PHC1: variants seen among roughly 807,000 people sequenced by gnomAD.
PHC1 encodes the protein polyhomeotic-like protein 1.
A neutral mutation model predicts 104.3 loss-of-function variants in PHC1; 12 were observed. The observed-to-expected ratio is 0.12, with a 90% confidence interval of 0.07 to 0.19. The LOEUF (loss-of-function observed/expected upper bound fraction) is 0.19, where lower values mean the gene tolerates loss of function less well. Among genes scored for constraint, PHC1 ranks in the 10% least tolerant of loss-of-function variants. The probability of loss-of-function intolerance (pLI) is 1.00; values close to 1 mark genes in which losing one functional copy is unlikely to be tolerated. For synonymous variants in PHC1, 302 were observed against 455.8 expected (o/e 0.66, Z 4.30); for missense variants, 671 against 1,200.0 (o/e 0.56, Z 6.51).
intron 7 of PHC1, among the ~76,000 whole-genome samples, chr12:8,931,401 A>C (rs1320641274): frequency 1.3e-5 from 2 of 152,212 alleles, no homozygotes; most frequent in East Asian, 3.8e-4. Flanking sequence ...GCCTTAGAGC[A>C]CTTAAGACTA....
chr12:8,928,142 A>C (rs1592200282), intron 6 of PHC1, among the ~76,000 whole-genome samples: 1 of 152,000 alleles, frequency 6.6e-6, no homozygotes, highest in African/African-American at 2.4e-5. Flanking sequence ...TCCTGAGCTC[A>C]GGCAGTCTGC....
At position 8,937,218 on chromosome 12, in the gene PHC1, A is replaced by G; in HGVS notation, c.2520A>G (p.Lys840=). The change falls in exon 13 of 15, where the codon AAA becomes AAG. Residue 840 remains lysine (K), a synonymous_variant. Transcript: ENST00000544916. ...SCSHQFRLKR[K]KMKEFQEANY... Reference sequence around the variant, plus strand: ...GCCATCAGTTCCGGCTGAAGAGGAAAAAAATGAAAGAGTTTCAAGAAGCCA... The same window carrying G: ...GCCATCAGTTCCGGCTGAAGAGGAAGAAAATGAAAGAGTTTCAAGAAGCCA... 8.1e-6 allele frequency: 13 copies of G among 1,613,702 alleles called. No individual in the cohort carries two copies. Among genetic ancestry groups the G allele is most frequent in the Non-Finnish European group, 1.1e-5 (13 of 1,179,800 alleles).
intron 6 of PHC1, among the ~76,000 whole-genome samples, chr12:8,927,800 T>C (rs1261537540): frequency 6.6e-6 from 1 of 152,238 alleles, no homozygotes; most frequent in African/African-American, 2.4e-5. Context: ...ATCAACTCTT[T>C]ACTGCTCCTG....
intron 10 of PHC1, among the ~76,000 whole-genome samples, chr12:8,934,814 G>A (rs1945788432): frequency 1.3e-5 from 2 of 152,118 alleles, no homozygotes; most frequent in African/African-American, 2.4e-5. Context: ...GAGGTGTCTT[G>A]ACTCCTAGTG....
chr12:8,930,579 G>T lies in PHC1; in HGVS notation c.757G>T (p.Ala253Ser), dbSNP rs748099272. ...ASSQALAVAQ[A>S]SSGATNQSLN... is the part of the protein sequence containing the mutation. ...TAGCCAGGCCCTAGCGGTGGCACAG[G>T]CTTCCTCTGGGGCCACAAACCAGTC... is the stretch of plus-strand genomic sequence containing the variant. The change falls in exon 7 of 15, where the codon GCT becomes TCT. Residue 253 changes from alanine to serine, a missense_variant. Ala to Ser is a moderately conservative substitution (Grantham distance 99). Coordinates refer to ENST00000544916, the MANE Select transcript of PHC1 (RefSeq NM_004426.3). The T allele has an allele frequency of 8.3e-6, 13 of 1,564,486 alleles. No homozygotes were observed. Among genetic ancestry groups the T allele is most frequent in the Admixed American group, 5.7e-5 (3 of 52,632 alleles).
intron 1 of PHC1, among the ~76,000 whole-genome samples, chr12:8,916,742 C>T (rs1338161273): frequency 6.6e-6 from 1 of 151,998 alleles, no homozygotes; most frequent in Non-Finnish European, 1.5e-5. Context: ...TTTCATACTC[C>T]GGAGTCATTT....
At chr12:8,933,814 A>C in intron 8 of PHC1, 51 bp from the exon 9 acceptor site, 2 of 1,503,028 alleles carry the variant, frequency 1.3e-6, no homozygotes, top group Non-Finnish European at 1.8e-6. Context: ...GTGGTTCCTT[A>C]TTATCCTTCA....
chr12:8,926,446 GTC>G (rs1327790724), intron 6 of PHC1, among the ~76,000 whole-genome samples: 1 of 151,490 alleles, frequency 6.6e-6, no homozygotes, highest in Non-Finnish European at 1.5e-5. Flanking sequence ...GTCAAACTCT[GTC>G]TCTACTAAAC....
chr12:8,919,958 T>C lies in PHC1; in HGVS notation c.225+92T>C. The C allele has an allele frequency of 2.0e-6, 3 of 1,529,072 alleles. No homozygotes were observed. The highest frequency in any genetic ancestry group is 2.7e-6 in the Non-Finnish European group (3 of 1,128,972). 94.7% of individuals were successfully genotyped at this position (1,529,072 alleles called of 1,614,324 possible). A position where few individuals can be genotyped will look rare whatever the true frequency, so the allele number is the denominator to read the frequency against. ...TTTTTGGGCATATAGCATCCTATACTAAGCCAGGCTGCAGACAGCCTCCTC... is the reference window on the plus strand; with the variant it reads ...TTTTTGGGCATATAGCATCCTATACCAAGCCAGGCTGCAGACAGCCTCCTC... On this transcript the variant is annotated intron_variant, in intron 3 of 14. Transcript: ENST00000544916. This position sits in a 1 kb window ranked among gnomAD's most constrained non-coding sequence, Gnocchi z 4.9.
At chr12:8,936,064 C>A (rs1945829553) in intron 11 of PHC1, among the ~76,000 whole-genome samples, 1 of 152,034 alleles carries the variant, frequency 6.6e-6, no homozygotes, top group Admixed American at 6.6e-5. Flanking sequence ...ACGCCTGGCC[C>A]TTGAATTATT....
At chr12:8,924,792 T>TA (rs1945470804) in intron 6 of PHC1, among the ~76,000 whole-genome samples, 1 of 152,180 alleles carries the variant, frequency 6.6e-6, no homozygotes, top group African/African-American at 2.4e-5. Context: ...GTTAACTTCA[T>TA]AGGTCACAGG....
At chr12:8,924,889 T>A (rs887691483) in intron 6 of PHC1, among the ~76,000 whole-genome samples, 2 of 152,196 alleles carry the variant, frequency 1.3e-5, no homozygotes, top group Non-Finnish European at 2.9e-5. Context: ...TTCTAACAGT[T>A]CCTGGAGAAG....
At chr12:8,933,427 T>C in intron 8 of PHC1, 77 bp downstream of exon 8, 8 of 1,432,452 alleles carry the variant, frequency 5.6e-6, no homozygotes, top group Non-Finnish European at 7.4e-6. Flanking sequence ...TAGAGCTTAA[T>C]TGAATAGGGG....
Position 8,922,791 on chromosome 12 carries a change from T to A in PHC1, c.612+3T>A, listed in dbSNP as rs768831520. ...GAGTTCATGCAGATGCAGATCAGGT[T>A]AGTGGCGATGACTTTACCTGTGGGT... On this transcript the variant is annotated splice_donor_region_variant and intron_variant, in intron 6 of 14. Transcript: ENST00000544916. 36 of 1,612,318 alleles carry A rather than the reference T, an allele frequency of 2.2e-5. No homozygotes were observed. The highest frequency in any genetic ancestry group is 3.1e-5 in the Non-Finnish European group (36 of 1,179,388).
At chr12:8,921,459 A>G (rs1945360645) in intron 4 of PHC1, 142 bp from the exon 5 acceptor site, 3 of 771,240 alleles carry the variant, frequency 3.9e-6, no homozygotes, top group African/African-American at 3.6e-5. Flanking sequence ...AGTTTTGGAT[A>G]TGAAGACATT....
chr12:8,937,701 A>C, intron 13 of PHC1, 128 bp from the exon 14 acceptor site: 2 of 675,688 alleles, frequency 3.0e-6, no homozygotes, highest in South Asian at 3.9e-5. Context: ...TTGCAAATAA[A>C]GTGCTGCTTA....
At chr12:8,931,151 C>T (rs760468484) in intron 7 of PHC1, among the ~76,000 whole-genome samples, 2 of 152,262 alleles carry the variant, frequency 1.3e-5, no homozygotes, top group South Asian at 4.1e-4. Flanking sequence ...AGGCAGTAGT[C>T]AGCTTACAAG....
Position 8,935,146 on chromosome 12 carries a change from A to G in PHC1, c.2276A>G (p.Lys759Arg), listed in dbSNP as rs1013774137. ...PFPVGCSQLLKESEKPLQTGL... is the reference protein window; with the variant it reads ...PFPVGCSQLLRESEKPLQTGL... ...CAGGTGGGTTGTTCTCAGTTACTGA[A>G]GGAGTCTGAGAAGCCACTACAGACT... is the stretch of plus-strand genomic sequence containing the variant. Residue 759 changes from lysine (K) to arginine (R), a missense_variant, in exon 11 of 15, where the codon AAG becomes AGG. Physicochemically the swap from Lys to Arg is conservative, Grantham distance 26. Coordinates refer to ENST00000544916, the MANE Select transcript of PHC1 (RefSeq NM_004426.3). The G allele has an allele frequency of 2.5e-6, 4 of 1,579,224 alleles. No homozygotes were observed. Among genetic ancestry groups the G allele is most frequent in the Non-Finnish European group, 3.5e-6 (4 of 1,156,546 alleles).
Position 8,937,981 on chromosome 12 carries a change from C to T in PHC1, c.2781C>T (p.Gly927=), listed in dbSNP as rs1945888744. 5 of 1,604,214 alleles carry T rather than the reference C, an allele frequency of 3.1e-6. No individual in the cohort carries two copies. In the African/African-American group the frequency reaches 5.3e-5, roughly 17 times the overall value. Residue 927 remains glycine, a synonymous_variant, in exon 14 of 15, where the codon GGC becomes GGT. Transcript: ENST00000544916. ...NTAPPTPELH[G]INPVFLSSNP... is the part of the protein sequence containing the mutation. ...CTCCACCTACACCGGAATTACATGG[C>T]ATCAACCCTGTGTTCCTGTCCAGTA...
Sources: gnomAD v4.1 joint callset for allele counts (sites outside exome capture counted in the v4.1 genomes callset) on GRCh38, gnomAD v4.1.1 for gene constraint, Gnocchi (gnomAD v3.1) non-coding constraint, MANE v1.5 for transcripts, NCBI Gene and HGNC (gene_info 2026-07-23, HGNC 2026-07-21) for gene names.